The following GNB2 variants were observed in gnomAD, a reference collection of about 807,000 sequenced individuals.
GNB2 encodes G protein subunit beta 2.
Under a neutral mutation model 40.7 loss-of-function variants are expected in GNB2, and 7 were observed. The observed-to-expected ratio is 0.17, with a 90% CI of 0.10 to 0.32. GNB2 has a LOEUF of 0.32. Among genes scored for constraint, GNB2 ranks in the 10% least tolerant of loss-of-function variants. GNB2 has a pLI of 1.00. For missense variants in GNB2, 286 were observed against 473.0 expected, an observed-to-expected ratio of 0.60 and a Z score of 3.67; for synonymous variants, 254 against 191.2, an observed-to-expected ratio of 1.33 and a Z score of -2.71.
chr7:100,677,482 T>C lies in GNB2; in HGVS notation c.268-16T>C, dbSNP rs2131350581. On this transcript the variant is annotated splice_polypyrimidine_tract_variant and intron_variant, in intron 5 of 9. Transcript: ENST00000303210. The stretch of plus-strand genomic sequence containing the variant: ...CCCTGGCTGGCTCTGACCCCGGCGC[T>C]TCCCCTGCTCCGCAGGTCCACGCCA... 1 of 1,613,028 alleles carries C rather than the reference T, an allele frequency of 6.2e-7. No individual in the cohort carries two copies. Among genetic ancestry groups the C allele is most frequent in the South Asian group, 1.1e-5 (1 of 91,060 alleles).
Position 100,678,206 on chromosome 7 carries a change from C to T in GNB2, c.606C>T (p.Gly202=), listed in dbSNP as rs200210649. The T allele has an allele frequency of 1.5e-5, 24 of 1,613,846 alleles. No homozygotes were observed. The highest frequency in any genetic ancestry group is 2.2e-5 in the East Asian group (1 of 44,886). The part of the protein sequence containing the change: ...LAPDGRTFVS[G]ACDASIKLWD... ...CCGATGGCCGCACGTTTGTGTCAGG[C>T]GCCTGTGATGCCTCTATCAAGCTGT... The change falls in exon 8 of 10, where the codon GGC becomes GGT. Residue 202 remains glycine, a synonymous_variant. Coordinates refer to ENST00000303210, the MANE Select transcript of GNB2 (RefSeq NM_005273.4).
Position 100,678,386 on chromosome 7 carries a change from C to G in GNB2, c.700-12C>G, listed in dbSNP as rs771165202. The G allele has an allele frequency of 3.7e-6, 6 of 1,610,588 alleles. No individual in the cohort carries two copies. In the South Asian group the frequency reaches 5.5e-5, roughly 15 times the overall value. ...CCTCACCCTCACCCCATCTGGGTCC[C>G]GTGTCCTGCAGTTCTTCCCCAACGG... On this transcript the variant is annotated splice_polypyrimidine_tract_variant and intron_variant, in intron 8 of 9. Coordinates refer to ENST00000303210, the MANE Select transcript of GNB2 (RefSeq NM_005273.4).
In GNB2 at chr7:100,678,309, G is replaced by C. The variant is rs1481783925; in HGVS notation, c.699+10G>C. The stretch of plus-strand genomic sequence containing the variant: ...CATCAATGCAGTGGCTGTGAGTTTT[G>C]GGGCGAGCTAGGCCAGGCCCTCCCC... On this transcript the variant is annotated intron_variant, in intron 8 of 9. Coordinates refer to ENST00000303210, the MANE Select transcript of GNB2 (RefSeq NM_005273.4). 1 of 1,612,480 alleles carries C rather than the reference G, an allele frequency of 6.2e-7. No individual in the cohort carries two copies. Among genetic ancestry groups the C allele is most frequent in the South Asian group, 1.1e-5 (1 of 91,056 alleles).
chr7:100,674,568 C>T (rs908379636), intron 1 of GNB2, among the ~76,000 whole-genome samples: 4 of 152,016 alleles, frequency 2.6e-5, no homozygotes, highest in Non-Finnish European at 5.9e-5. Context: ...GAGGGCCAGG[C>T]CCACTGCGCT....
At chr7:100,677,458 C>G in intron 5 of GNB2, 40 bp from the exon 6 acceptor site, 1 of 1,613,156 alleles carries the variant, frequency 6.2e-7, no homozygotes, top group Non-Finnish European at 8.5e-7. Context: ...GCCACAGGGC[C>G]CTGGCTGGCT....
Position 100,676,156 on chromosome 7 carries a change from CGTCAGCCCTGCATCCCCCAGGCCTCGGG to C in GNB2, c.-89-20_-82del. 1 of 645,194 alleles carries C rather than the reference CGTCAGCCCTGCATCCCCCAGGCCTCGGG, an allele frequency of 1.5e-6. No homozygotes were observed. Among genetic ancestry groups the C allele is most frequent in the Non-Finnish European group, 2.7e-6 (1 of 373,966 alleles). 40.0% of individuals were successfully genotyped at this position (645,194 alleles called of 1,614,324 possible). ...ACTTCCCCGGCGGCCTCGGGCCTGA[CGTCAGCCCTGCATCCCCCAGGCCTCGGG>C]CCAGCGGCCAGGAGCTGCCTCCCCC... On this transcript the variant is annotated splice_acceptor_variant and splice_polypyrimidine_tract_variant and 5_prime_UTR_variant and intron_variant, in exon 2 of 10. Transcript: ENST00000303210. LOFTEE classifies it low-confidence loss of function (5UTR_SPLICE).
At position 100,673,879 on chromosome 7, in the gene GNB2, C is replaced by G. The variant is rs1326812068; in HGVS notation, c.-134C>G. On this transcript the variant is annotated 5_prime_UTR_variant, in exon 1 of 10. Coordinates refer to ENST00000303210, the MANE Select transcript of GNB2 (RefSeq NM_005273.4). The stretch of plus-strand genomic sequence containing the variant: ...CCGCCGCGGAGGAAGACAGCGCCGC[C>G]CGCGCACCGCCAGCGACCTCCGCCG... 5.5e-6 allele frequency: 1 copy of G among 183,434 alleles called. No individual in the cohort carries two copies. Among genetic ancestry groups the G allele is most frequent in the African/African-American group, 2.4e-5 (1 of 41,730 alleles). The allele number at this position is 183,434 out of a possible 1,614,324, so 11.4% of individuals were successfully genotyped here. A position where few individuals can be genotyped will look rare whatever the true frequency, so the allele number is the denominator to read the frequency against.
In GNB2 at chr7:100,673,822, C is replaced by A; in HGVS notation, c.-191C>A. 7.9e-6 allele frequency: 1 copy of A among 126,120 alleles called. No individual in the cohort carries two copies. Among genetic ancestry groups the A allele is most frequent in the Non-Finnish European group, 1.5e-5 (1 of 66,048 alleles). The allele number at this position is 126,120 out of a possible 1,614,324, so 7.8% of individuals were successfully genotyped here. On this transcript the variant is annotated 5_prime_UTR_variant, in exon 1 of 10. Coordinates refer to ENST00000303210, the MANE Select transcript of GNB2 (RefSeq NM_005273.4). Reference sequence around the variant, plus strand: ...CACTGAGGAAATCCATCCGCGCCGCCGCCGCCGCCGCCGCCGCCGCCGCCG... The same window carrying A: ...CACTGAGGAAATCCATCCGCGCCGCAGCCGCCGCCGCCGCCGCCGCCGCCG...
chr7:100,678,649 C>A (rs753600090), intron 9 of GNB2, 35 bp downstream of exon 9: 3 of 1,608,378 alleles, frequency 1.9e-6, no homozygotes, highest in Non-Finnish European at 2.6e-6. Flanking sequence ...TGGGCAGGGA[C>A]CTGGAGCCCA....
At chr7:100,676,085 C>G (rs1027042813) in intron 1 of GNB2, 92 bp from the exon 2 acceptor site, 3 of 513,784 alleles carry the variant, frequency 5.8e-6, no homozygotes, top group African/African-American at 2.0e-5. Flanking sequence ...TCCCCCTCCC[C>G]TTGCTTACCC....
rs1438375737 is a variant in GNB2, at chr7:100,677,406, C to T, written c.258C>T (p.Thr86=). The T allele has an allele frequency of 6.2e-6, 10 of 1,613,906 alleles. No homozygotes were observed. The highest frequency in any genetic ancestry group is 4.4e-5 in the South Asian group (4 of 91,090). The part of the protein sequence containing the change: ...DGKLIIWDSY[T]TNKVHAIPLR... ...AGCTCATCATCTGGGACAGCTACACCACCAACAAGGTAGGGTGGCGCGGGC... is the reference window on the plus strand; with the variant it reads ...AGCTCATCATCTGGGACAGCTACACTACCAACAAGGTAGGGTGGCGCGGGC... The change falls in exon 5 of 10, where the codon ACC becomes ACT. Residue 86 remains threonine, a synonymous_variant. Coordinates refer to ENST00000303210, the MANE Select transcript of GNB2 (RefSeq NM_005273.4).
Position 100,678,786 on chromosome 7 carries a change from C to T in GNB2, c.1008C>T (p.Leu336=). ...CCACGGGCTCCTGGGACTCCTTCCTCAAGATCTGGAACTAATGGCCCCACC... is the reference window on the plus strand; with the variant it reads ...CCACGGGCTCCTGGGACTCCTTCCTTAAGATCTGGAACTAATGGCCCCACC... ...AVATGSWDSF[L]KIWN The change falls in exon 10 of 10, where the codon CTC becomes CTT. Residue 336 remains leucine, a synonymous_variant. Transcript: ENST00000303210. 6.2e-7 allele frequency: 1 copy of T among 1,612,324 alleles called. No individual in the cohort carries two copies. Among genetic ancestry groups the T allele is most frequent in the South Asian group, 1.1e-5 (1 of 91,068 alleles).
chr7:100,673,835 G>A lies in GNB2; in HGVS notation c.-178G>A. The stretch of plus-strand genomic sequence containing the variant: ...CATCCGCGCCGCCGCCGCCGCCGCC[G>A]CCGCCGCCGCCGCCGCCTCCGCCGC... On this transcript the variant is annotated 5_prime_UTR_variant, in exon 1 of 10. Coordinates refer to ENST00000303210, the MANE Select transcript of GNB2 (RefSeq NM_005273.4). The A allele has an allele frequency of 5.3e-6, 1 of 189,552 alleles. No individual in the cohort carries two copies. Among genetic ancestry groups the A allele is most frequent in the Non-Finnish European group, 1.0e-5 (1 of 97,022 alleles). 11.7% of individuals were successfully genotyped at this position (189,552 alleles called of 1,614,324 possible).
rs759656094 is a variant in GNB2, at chr7:100,676,687, C to T, written c.97-6C>T. The T allele has an allele frequency of 1.2e-6, 2 of 1,603,974 alleles. No homozygotes were observed. The highest frequency in any genetic ancestry group is 2.2e-5 in the South Asian group (2 of 90,862). ...CTCCCCGAGCGCATTCTGTCTCTACCTCCAGATCACAGCTGGGCTGGACCC... is the reference window on the plus strand; with the variant it reads ...CTCCCCGAGCGCATTCTGTCTCTACTTCCAGATCACAGCTGGGCTGGACCC... On this transcript the variant is annotated splice_polypyrimidine_tract_variant and splice_region_variant and intron_variant, in intron 3 of 9. Coordinates refer to ENST00000303210, the MANE Select transcript of GNB2 (RefSeq NM_005273.4).
rs1441372765 is a variant in GNB2, at chr7:100,675,500, C to A, written c.-89-677C>A. On this transcript the variant is annotated intron_variant, in intron 1 of 9. Transcript: ENST00000303210. ...GCTTTTCCCAAATCCTGTAAACAGC[C>A]ACCCGGGCCGGTTCTGGGGAGGGCG... 2.6e-5 allele frequency: 4 copies of A among 151,994 alleles called. No homozygotes were observed. In the East Asian group the frequency reaches 7.8e-4, roughly 30 times the overall value. The allele number at this position is 151,994 out of a possible 1,614,324, so 9.4% of individuals were successfully genotyped here. A position where few individuals can be genotyped will look rare whatever the true frequency, so the allele number is the denominator to read the frequency against.
In GNB2 at chr7:100,678,469, C is replaced by A. The variant is rs144309481; in HGVS notation, c.771C>A (p.Ala257=). Residue 257 remains alanine (A), a synonymous_variant, in exon 9 of 10, where the codon GCC becomes GCA. Coordinates refer to ENST00000303210, the MANE Select transcript of GNB2 (RefSeq NM_005273.4). ...CGTGCCGCCTCTTCGACCTGCGGGC[C>A]GATCAGGAGCTCCTCATGTACTCCC... ...DATCRLFDLR[A]DQELLMYSHD... is the part of the protein sequence containing the mutation. 6.2e-7 allele frequency: 1 copy of A among 1,613,748 alleles called. No individual in the cohort carries two copies. Among genetic ancestry groups the A allele is most frequent in the Non-Finnish European group, 8.5e-7 (1 of 1,179,998 alleles).
chr7:100,678,905 CA>C lies in GNB2; in HGVS notation c.*105del. 3 of 905,110 alleles carry C rather than the reference CA, an allele frequency of 3.3e-6. No homozygotes were observed. Among genetic ancestry groups the C allele is most frequent in the Non-Finnish European group, 5.1e-6 (3 of 586,768 alleles). The allele number at this position is 905,110 out of a possible 1,614,324, so 56.1% of individuals were successfully genotyped here. The stretch of plus-strand genomic sequence containing the variant: ...GCAATCCCAGCCCCCTTCCCCGGGC[CA>C]CGGGGCCTTGGGTCCCTGCCCTCCC... On this transcript the variant is annotated 3_prime_UTR_variant, in exon 10 of 10. Coordinates refer to ENST00000303210, the MANE Select transcript of GNB2 (RefSeq NM_005273.4).
At position 100,677,578 on chromosome 7, in the gene GNB2, G is replaced by T. The variant is rs770058726; in HGVS notation, c.348G>T (p.Gly116=). ...CAGGGAACTTTGTGGCCTGTGGGGG[G>T]TTGGACAACATCTGCTCCATCTACA... ...APSGNFVACG[G]LDNICSIYSL... The change falls in exon 6 of 10, where the codon GGG becomes GGT. Residue 116 remains glycine (G), a synonymous_variant. Coordinates refer to ENST00000303210, the MANE Select transcript of GNB2 (RefSeq NM_005273.4). The T allele has an allele frequency of 9.9e-6, 16 of 1,613,434 alleles. No individual in the cohort carries two copies. The highest frequency in any genetic ancestry group is 1.3e-5 in the Non-Finnish European group (15 of 1,179,994).
chr7:100,677,787 C>G lies in GNB2; in HGVS notation c.466C>G (p.Gln156Glu). The G allele has an allele frequency of 6.2e-7, 1 of 1,613,768 alleles. No individual in the cohort carries two copies. The highest frequency in any genetic ancestry group is 8.5e-7 in the Non-Finnish European group (1 of 1,179,976). ...LSCCRFLDDN[Q>E]IITSSGDTTC... is the part of the protein sequence containing the mutation. ...GTGTTGCCGCTTCCTGGATGACAACCAAATCATCACCAGCTCTGGGGATAC... is the reference window on the plus strand; with the variant it reads ...GTGTTGCCGCTTCCTGGATGACAACGAAATCATCACCAGCTCTGGGGATAC... The change falls in exon 7 of 10, where the codon CAA (glutamine) becomes GAA (glutamate). Residue 156 changes from glutamine to glutamate, a missense_variant. Coordinates refer to ENST00000303210, the MANE Select transcript of GNB2 (RefSeq NM_005273.4).
Sources: allele counts gnomAD v4.1 joint callset (sites outside exome capture counted in the v4.1 genomes callset), GRCh38; gene constraint gnomAD v4.1.1; transcripts MANE v1.5; gene names NCBI Gene and HGNC (gene_info 2026-07-23, HGNC 2026-07-21).